Variants in ACAP3 observed in about 807,000 individuals in gnomAD.
ACAP3 encodes the protein arf-GAP with coiled-coil, ANK repeat and PH domain-containing protein 3.
A neutral mutation model predicts 104.1 loss-of-function variants in ACAP3; 56 were observed. That is an observed-to-expected ratio of 0.54 (90% CI 0.43 to 0.67). The LOEUF (loss-of-function observed/expected upper bound fraction) is 0.67. ACAP3 is among the 30% of genes least tolerant of loss of function. The probability of loss-of-function intolerance (pLI) is 0.00; values close to 1 mark genes in which losing one functional copy is unlikely to be tolerated. For synonymous variants in ACAP3, 628 were observed against 496.2 expected, an observed-to-expected ratio of 1.27 and a Z score of -3.53; for missense variants, 1,208 against 1,174.9, an observed-to-expected ratio of 1.03 and a Z score of -0.41.
chr1:1,302,978 G>A lies in ACAP3; in HGVS notation c.226-3C>T. The A allele has an allele frequency of 6.2e-7, 1 of 1,610,072 alleles. No homozygotes were observed. The highest frequency in any genetic ancestry group is 1.7e-4 in the Middle Eastern group (1 of 6,048). On this transcript the variant is annotated splice_region_variant and splice_polypyrimidine_tract_variant and intron_variant, in intron 3 of 23. Coordinates refer to ENST00000354700, the MANE Select transcript of ACAP3 (RefSeq NM_030649.3). Reference sequence around the variant, plus strand: ...TCAGCGAACCTCTGCAGACATTCCTGGAGGAGCAGATGGGAACCCGTGCTG... The same window carrying A: ...TCAGCGAACCTCTGCAGACATTCCTAGAGGAGCAGATGGGAACCCGTGCTG...
rs1641303666 is a variant in ACAP3, at chr1:1,298,569, G to A, written c.861C>T (p.Asn287=). The change falls in exon 11 of 24, where the codon AAC becomes AAT. Residue 287 remains asparagine, a splice_region_variant and synonymous_variant. Coordinates refer to ENST00000354700, the MANE Select transcript of ACAP3 (RefSeq NM_030649.3). The part of the protein sequence containing the change: ...KRASNAFKTW[N]RRWFSIQNSQ... ...CCCACCTGAGGAAGGCCTCTCACCG[G>A]TTCCATGTCTTGAAAGCGTTGCTGG... is the stretch of plus-strand genomic sequence containing the variant. The A allele has an allele frequency of 6.4e-7, 1 of 1,560,662 alleles. No homozygotes were observed. The highest frequency in any genetic ancestry group is 1.1e-5 in the South Asian group (1 of 89,836).
rs976782300 is a variant in ACAP3 at position 1,300,270 on chromosome 1, A to G, written c.523-68T>C. On this transcript the variant is annotated intron_variant, in intron 6 of 23. Coordinates refer to ENST00000354700, the MANE Select transcript of ACAP3 (RefSeq NM_030649.3). ...CAGCCCCAAGCCCTGCACCTGCCAT[A>G]GAGTCCACCTGAGCTGCTTGTGGTT... 35 of 1,519,758 alleles carry G rather than the reference A, an allele frequency of 2.3e-5. No homozygotes were observed. The African/African-American group carries it at 3.9e-4, about 17-fold the overall frequency. 94.1% of individuals were successfully genotyped at this position (1,519,758 alleles called of 1,614,324 possible). A position where few individuals can be genotyped will look rare whatever the true frequency, so the allele number is the denominator to read the frequency against.
chr1:1,307,878 G>C lies in ACAP3; in HGVS notation c.-63C>G. The C allele has an allele frequency of 1.1e-6, 1 of 935,818 alleles. No individual in the cohort carries two copies. The highest frequency in any genetic ancestry group is 5.3e-4 in the Middle Eastern group (1 of 1,904). The allele number at this position is 935,818 out of a possible 1,614,324, so 58.0% of individuals were successfully genotyped here. ...GCGGCGCCGAGCGGCAGCCGCGCCGGCCCGGACCGCTCGTCCCGCCCGCGC... is the reference window on the plus strand; with the variant it reads ...GCGGCGCCGAGCGGCAGCCGCGCCGCCCCGGACCGCTCGTCCCGCCCGCGC... On this transcript the variant is annotated 5_prime_UTR_variant, in exon 1 of 24. Coordinates refer to ENST00000354700, the MANE Select transcript of ACAP3 (RefSeq NM_030649.3).
At chr1:1,302,680 G>T (rs933498926) in intron 4 of ACAP3, among the ~76,000 whole-genome samples, 1 of 151,884 alleles carries the variant, frequency 6.6e-6, no homozygotes, top group Admixed American at 6.5e-5. Context: ...CTGCCCAGTT[G>T]GGGGAACCCT....
intron 10 of ACAP3, 125 bp from the exon 11 acceptor site, chr1:1,298,804 C>T (rs1021552590): frequency 1.3e-5 from 9 of 715,522 alleles, no homozygotes; most frequent in African/African-American, 9.0e-5. Flanking sequence ...ACGGACCACA[C>T]GCTCAGACGA....
At chr1:1,307,026 C>T (rs1242535155) in intron 1 of ACAP3, 2 of 538,396 alleles carry the variant, frequency 3.7e-6, no homozygotes, top group South Asian at 1.5e-5. Context: ...AAGAGCGCAC[C>T]CCGCACGAGC....
At chr1:1,306,077 T>G (rs1377228026) in intron 1 of ACAP3, 1 of 152,354 alleles carries the variant, frequency 6.6e-6, no homozygotes, top group Non-Finnish European at 1.5e-5. Context: ...CAAAACCCAC[T>G]GGGCCAGGCC....
chr1:1,293,413 G>C lies in ACAP3; in HGVS notation c.*151C>G. 1.3e-6 allele frequency: 1 copy of C among 756,762 alleles called. No homozygotes were observed. Among genetic ancestry groups the C allele is most frequent in the East Asian group, 4.6e-5 (1 of 21,762 alleles). 46.9% of individuals were successfully genotyped at this position (756,762 alleles called of 1,614,324 possible). ...AGTGTGGGGCCCTCGCTCTCCTCCTGGGCGAGCAGGGCCGCGGCGCCCCAG... is the reference window on the plus strand; with the variant it reads ...AGTGTGGGGCCCTCGCTCTCCTCCTCGGCGAGCAGGGCCGCGGCGCCCCAG... On this transcript the variant is annotated 3_prime_UTR_variant, in exon 24 of 24. Coordinates refer to ENST00000354700, the MANE Select transcript of ACAP3 (RefSeq NM_030649.3).
Position 1,293,845 on chromosome 1 carries a change from C to T in ACAP3, c.2338G>A (p.Ala780Thr), listed in dbSNP as rs145341583. 978 of 1,525,524 alleles carry T rather than the reference C, an allele frequency of 6.4e-4. 3 individuals are homozygous for T. The highest frequency in any genetic ancestry group is 1.5e-3 in the Admixed American group (84 of 54,442). The allele number at this position is 1,525,524 out of a possible 1,614,324, so 94.5% of individuals were successfully genotyped here. ...RDPLAIAVQA[A>T]NADIVTLLRL... ...CACAGTGTCACGATGTCAGCGTTGG[C>T]CGCCTGCACTGCGATGGCCAACGGG... Residue 780 changes from alanine (A) to threonine (T), a missense_variant, in exon 23 of 24, where the codon GCC (alanine) becomes ACC (threonine). Transcript: ENST00000354700.
chr1:1,307,727 G>GC, intron 1 of ACAP3, 42 bp downstream of exon 1: 1 of 1,085,036 alleles, frequency 9.2e-7, no homozygotes, highest in East Asian at 6.2e-5. Context: ...CGACAGCGAC[G>GC]CCCCCGGCCT....
At chr1:1,298,952 G>C in intron 10 of ACAP3, 1 of 550,294 alleles carries the variant, frequency 1.8e-6, no homozygotes, top group Non-Finnish European at 3.2e-6. Flanking sequence ...GGACCAGCAG[G>C]CTGCGATCAG....
At position 1,303,583 on chromosome 1, in the gene ACAP3, C is replaced by A; in HGVS notation, c.106-302G>T. On this transcript the variant is annotated intron_variant, in intron 2 of 23. Coordinates refer to ENST00000354700, the MANE Select transcript of ACAP3 (RefSeq NM_030649.3). This position sits in a 1 kb window ranked among gnomAD's most constrained non-coding sequence, Gnocchi z 4.0. ...CATGTGGGGCTCATGGATAAGGCTG[C>A]CCACTCCCAGCTCCACGGCCTGTTG... The A allele has an allele frequency of 5.9e-6, 3 of 507,976 alleles. No individual in the cohort carries two copies. Among genetic ancestry groups the A allele is most frequent in the Non-Finnish European group, 1.1e-5 (3 of 282,742 alleles). The allele number at this position is 507,976 out of a possible 1,614,324, so 31.5% of individuals were successfully genotyped here.
chr1:1,298,141 C>G, intron 12 of ACAP3, 28 bp from the exon 13 acceptor site: 1 of 1,585,180 alleles, frequency 6.3e-7, no homozygotes, highest in Non-Finnish European at 8.6e-7. Context: ...GTGGCCCCTG[C>G]CCTCAGCCAC....
chr1:1,294,379 C>T (rs1641013132), intron 21 of ACAP3, 23 bp downstream of exon 21: 4 of 1,556,156 alleles, frequency 2.6e-6, no homozygotes, highest in East Asian at 2.4e-5. Context: ...GTGTCCTGCG[C>T]GCAGCCCCCG....
rs1446693607 is a variant in ACAP3, at chr1:1,293,151, G to GGT, written c.*411_*412dup. ...TTTCTGCCCTGGGAGGAGGCTCTGG[G>GGT]GTGTGCAGGAGGGAGCCAGCTAACA... is the stretch of plus-strand genomic sequence containing the variant. On this transcript the variant is annotated 3_prime_UTR_variant, in exon 24 of 24. Transcript: ENST00000354700. 6.5e-6 allele frequency: 1 copy of GGT among 154,844 alleles called. No individual in the cohort carries two copies. The allele number at this position is 154,844 out of a possible 1,614,324, so 9.6% of individuals were successfully genotyped here.
chr1:1,300,350 C>T, intron 6 of ACAP3, 148 bp from the exon 7 acceptor site: 1 of 1,262,778 alleles, frequency 7.9e-7, no homozygotes, highest in Non-Finnish European at 1.1e-6. Context: ...CCTCATCCTC[C>T]CATGGTCCTG....
Position 1,293,558 on chromosome 1 carries a change from C to A in ACAP3, c.*6G>T, listed in dbSNP as rs1489594973. 2 of 1,474,592 alleles carry A rather than the reference C, an allele frequency of 1.4e-6. No individual in the cohort carries two copies. Among genetic ancestry groups the A allele is most frequent in the South Asian group, 2.5e-5 (2 of 79,768 alleles). 91.3% of individuals were successfully genotyped at this position (1,474,592 alleles called of 1,614,324 possible). A position where few individuals can be genotyped will look rare whatever the true frequency, so the allele number is the denominator to read the frequency against. On this transcript the variant is annotated 3_prime_UTR_variant, in exon 24 of 24. Transcript: ENST00000354700. ...GCGGGGTGGCAGCTGCCCGGCCTGC[C>A]CGGCCCTAGCTCTCTTCCAGGTGGA... is the stretch of plus-strand genomic sequence containing the variant.
In ACAP3 at chr1:1,296,042, C is replaced by T. The variant is rs761633758; in HGVS notation, c.1475G>A (p.Ser492Asn). Residue 492 changes from serine (S) to asparagine (N), a missense_variant, in exon 17 of 24, where the codon AGC (serine) becomes AAC (asparagine). Physicochemically the swap from Ser to Asn is conservative, Grantham distance 46. Coordinates refer to ENST00000354700, the MANE Select transcript of ACAP3 (RefSeq NM_030649.3). ...GGAGCTGCTGGCTGTGGGTTTCCTG[C>T]TGCCTGCACCCTCACACTGGGCCTC... ...IYEAQCEGAG[S>N]RKPTASSSRQ... The T allele has an allele frequency of 1.9e-6, 3 of 1,612,818 alleles. No individual in the cohort carries two copies. The highest frequency in any genetic ancestry group is 4.5e-5 in the East Asian group (2 of 44,880).
intron 14 of ACAP3, 71 bp from the exon 15 acceptor site, chr1:1,296,704 C>T (rs1641176841): frequency 6.8e-7 from 1 of 1,470,010 alleles, no homozygotes; most frequent in South Asian, 1.2e-5. Context: ...GCCCCCTCCT[C>T]CCCAGCCAGA....
Sources: gnomAD v4.1 joint callset for allele counts (sites outside exome capture counted in the v4.1 genomes callset) on GRCh38, gnomAD v4.1.1 for gene constraint, Gnocchi (gnomAD v3.1) non-coding constraint, MANE v1.5 for transcripts, NCBI Gene and HGNC (gene_info 2026-07-23, HGNC 2026-07-21) for gene names.